The following AGBL4 variants were observed in gnomAD, a reference collection of about 807,000 sequenced individuals.
AGBL4 encodes the protein cytosolic carboxypeptidase 6.
A neutral mutation model predicts 66.4 loss-of-function variants in AGBL4; 58 were observed. That is an observed-to-expected ratio of 0.87 (90% CI 0.71 to 1.09). AGBL4 has a LOEUF of 1.09. Ranked by LOEUF, AGBL4 falls within the 50% of genes least tolerant of loss-of-function variation. The pLI, the probability that AGBL4 is intolerant of heterozygous loss-of-function variation, is 0.00. For synonymous variants in AGBL4, 234 were observed against 222.9 expected (o/e 1.05, Z -0.44); for missense variants, 579 against 631.0 (o/e 0.92, Z 0.88).
At chr1:48,977,644 A>G (rs1234331428) in intron 5 of AGBL4, among the ~76,000 whole-genome samples, 4 of 152,114 alleles carry the variant, frequency 2.6e-5, no homozygotes, top group Admixed American at 2.6e-4. Flanking sequence ...GCTCCATTGA[A>G]GTAGAAGCTA....
rs146103265 is a variant in AGBL4 at position 49,293,281 on chromosome 1, C to T, written c.283-47417G>A. On this transcript the variant is annotated intron_variant, in intron 3 of 13. Transcript: ENST00000371839. ...CTCACTCACACACTCCTTGCCACTC[C>T]ACGCCTGGCTTGCCCTTGGCAGGCA... is the stretch of plus-strand genomic sequence containing the variant. Among the ~76,000 whole-genome samples the T allele has an allele frequency of 3.6e-3, 546 of 152,302 alleles. 3 individuals are homozygous for T. Among genetic ancestry groups the T allele is most frequent in the African/African-American group, 0.012 (494 of 41,564 alleles).
intron 3 of AGBL4, among the ~76,000 whole-genome samples, chr1:49,425,842 A>G (rs1645645902): frequency 6.6e-6 from 1 of 152,234 alleles, no homozygotes; most frequent in Non-Finnish European, 1.5e-5. Context: ...TACAGTACAT[A>G]GTCTTTGTCA....
At chr1:49,986,227 T>C (rs1174319076) in intron 1 of AGBL4, among the ~76,000 whole-genome samples, 1 of 152,072 alleles carries the variant, frequency 6.6e-6, no homozygotes, top group Non-Finnish European at 1.5e-5. Flanking sequence ...TCCCAATCAA[T>C]AGATCTTATG....
chr1:49,401,246 A>G (rs904002909), intron 3 of AGBL4, among the ~76,000 whole-genome samples: 1 of 152,200 alleles, frequency 6.6e-6, no homozygotes, highest in Non-Finnish European at 1.5e-5. Context: ...GAAGCACCTT[A>G]TAAAACTATC....
At chr1:49,539,614 A>G (rs1651855210) in intron 3 of AGBL4, among the ~76,000 whole-genome samples, 1 of 152,210 alleles carries the variant, frequency 6.6e-6, no homozygotes, top group African/African-American at 2.4e-5. Context: ...AAGTATCTGC[A>G]TAATAAACCC....
At chr1:49,402,986 T>C (rs894630422) in intron 3 of AGBL4, among the ~76,000 whole-genome samples, 2 of 152,258 alleles carry the variant, frequency 1.3e-5, no homozygotes, top group African/African-American at 4.8e-5. Context: ...AAATGCTTCA[T>C]AAATATCTAT....
chr1:49,799,362 A>C (rs1452070291), intron 2 of AGBL4, among the ~76,000 whole-genome samples: 1 of 152,228 alleles, frequency 6.6e-6, no homozygotes, highest in Non-Finnish European at 1.5e-5. Context: ...GAAGTCCAAC[A>C]GTTGAGATCC....
intron 6 of AGBL4, among the ~76,000 whole-genome samples, chr1:48,733,862 C>G (rs1461996638): frequency 6.6e-6 from 1 of 152,188 alleles, no homozygotes; most frequent in Non-Finnish European, 1.5e-5. Context: ...GTGCCAGACA[C>G]TATGTTTGGA....
intron 1 of AGBL4, among the ~76,000 whole-genome samples, chr1:49,973,267 C>G (rs986131425): frequency 6.6e-6 from 1 of 152,180 alleles, no homozygotes; most frequent in African/African-American, 2.4e-5. Context: ...CCTAGTGTAA[C>G]AGGTCAGCTA....
chr1:48,547,092 T>C (rs912697533), intron 11 of AGBL4, among the ~76,000 whole-genome samples: 3 of 151,954 alleles, frequency 2.0e-5, no homozygotes, highest in African/African-American at 7.3e-5. Context: ...GGAAGAGGGC[T>C]GGCAGAGGGT....
chr1:49,248,698 T>C (rs1020160809), intron 3 of AGBL4, among the ~76,000 whole-genome samples: 6 of 152,138 alleles, frequency 3.9e-5, no homozygotes, highest in African/African-American at 7.2e-5. Flanking sequence ...ACAGTTGTTG[T>C]AAGAATCTGT....
chr1:49,977,747 A>C (rs192154508), intron 1 of AGBL4, among the ~76,000 whole-genome samples: 47 of 152,292 alleles, frequency 3.1e-4, no homozygotes, highest in African/African-American at 1.1e-3. Context: ...CACACACACA[A>C]AAAACTTCAG....
chr1:49,118,795 T>C (rs746549560), intron 4 of AGBL4, among the ~76,000 whole-genome samples: 1 of 152,238 alleles, frequency 6.6e-6, no homozygotes, highest in Non-Finnish European at 1.5e-5. Flanking sequence ...TTTGTACCTC[T>C]GGTAGAATTC....
At chr1:48,727,119 G>C (rs1647328060) in intron 6 of AGBL4, among the ~76,000 whole-genome samples, 1 of 152,166 alleles carries the variant, frequency 6.6e-6, no homozygotes, top group African/African-American at 2.4e-5. Context: ...TAAAAATTAT[G>C]TAACTTGAAA....
intron 3 of AGBL4, among the ~76,000 whole-genome samples, chr1:49,259,101 AATGCTGAGAGACTTTGTCACC>A (rs1652846418): frequency 6.6e-6 from 1 of 152,156 alleles, no homozygotes; most frequent in Non-Finnish European, 1.5e-5. Flanking sequence ...CAGACAAGCA[AATGCTGAGAGACTTTGTCACC>A]ACCAGGCCTG....
rs191752910 is a variant in AGBL4 at position 49,208,286 on chromosome 1, C to A, written c.377+37484G>T. On this transcript the variant is annotated intron_variant, in intron 4 of 13. Coordinates refer to ENST00000371839, the MANE Select transcript of AGBL4 (RefSeq NM_032785.4). ...CCCATGCTTTTCTACCTGGGCTATACTGTCACACTAAAAATTGATTTTTTT... is the reference window on the plus strand; with the variant it reads ...CCCATGCTTTTCTACCTGGGCTATAATGTCACACTAAAAATTGATTTTTTT... Among the ~76,000 whole-genome samples, 42 of 152,190 alleles carry A rather than the reference C, an allele frequency of 2.8e-4. No homozygotes were observed. In the East Asian group the frequency reaches 4.7e-3, roughly 17 times the overall value.
chr1:49,429,199 G>T (rs1262250223), intron 3 of AGBL4, among the ~76,000 whole-genome samples: 3 of 152,060 alleles, frequency 2.0e-5, no homozygotes, highest in Non-Finnish European at 4.4e-5. Context: ...TTACTTTGTG[G>T]GTTATACAGT....
chr1:48,801,006 G>T (rs540874837), intron 6 of AGBL4, among the ~76,000 whole-genome samples: 1 of 152,224 alleles, frequency 6.6e-6, no homozygotes, highest in South Asian at 2.1e-4. Flanking sequence ...TGTGGGGCAT[G>T]GGGGAGGGTG....
intron 4 of AGBL4, among the ~76,000 whole-genome samples, chr1:49,176,135 GTGGTGATGATGATGA>G (rs1646827085): frequency 1.3e-5 from 2 of 152,072 alleles, no homozygotes; most frequent in Admixed American, 6.6e-5. Context: ...ATGACCGGTG[GTGGTGATGATGATGA>G]TGGTGATGAC....
Sources: allele counts gnomAD v4.1 joint callset (sites outside exome capture counted in the v4.1 genomes callset), GRCh38; gene constraint gnomAD v4.1.1; transcripts MANE v1.5; gene names NCBI Gene and HGNC (gene_info 2026-07-23, HGNC 2026-07-21).